PAH: variants seen among roughly 807,000 people sequenced by gnomAD.
The protein encoded by PAH is phenylalanine hydroxylase, also known as phenylalanine-4-hydroxylase.
PAH carries 64 observed loss-of-function variants against 62.0 expected under a neutral mutation model. That is an observed-to-expected ratio of 1.03 (90% confidence interval 0.84 to 1.27). The LOEUF (loss-of-function observed/expected upper bound fraction) is 1.27. PAH is among the 50% of genes most tolerant of loss of function. The probability of loss-of-function intolerance (pLI) is 0.00; values close to 1 mark genes in which losing one functional copy is unlikely to be tolerated. For synonymous variants in PAH, 195 were observed against 196.2 expected, an observed-to-expected ratio of 0.99 and a Z score of 0.05; for missense variants, 579 against 542.8, an observed-to-expected ratio of 1.07 and a Z score of -0.66.
intron 1 of PAH, among the ~76,000 whole-genome samples, chr12:102,949,202 A>ATC (rs1229243604): frequency 6.6e-6 from 1 of 152,162 alleles, no homozygotes; most frequent in Non-Finnish European, 1.5e-5. Context: ...CCAATGGCCG[A>ATC]TCTCTTGCCC....
chr12:102,875,148 G>A (rs1043822082), intron 4 of PAH, among the ~76,000 whole-genome samples: 1 of 152,176 alleles, frequency 6.6e-6, no homozygotes, highest in African/African-American at 2.4e-5. Context: ...AGAGCCTGGC[G>A]CCTCGTCTTC....
intron 1 of PAH, among the ~76,000 whole-genome samples, chr12:102,933,822 C>T (rs1034564298): frequency 6.6e-6 from 1 of 151,226 alleles, no homozygotes; most frequent in African/African-American, 2.5e-5. Context: ...AATTGTTTGA[C>T]CTCTTTGTAA....
chr12:102,877,400 G>A, intron 4 of PAH, 62 bp downstream of exon 4: 13 of 1,109,684 alleles, frequency 1.2e-5, no homozygotes, highest in Non-Finnish European at 1.4e-5. Flanking sequence ...GAAGGTAAGA[G>A]GAAGGGAGGG....
intron 5 of PAH, among the ~76,000 whole-genome samples, chr12:102,858,425 A>G (rs911559817): frequency 7.9e-5 from 12 of 152,212 alleles, no homozygotes; most frequent in African/African-American, 2.7e-4. Flanking sequence ...AACAAGAAAG[A>G]AAGTTAACAA....
chr12:102,869,483 G>T (rs1031272537), intron 4 of PAH, among the ~76,000 whole-genome samples: 2 of 152,048 alleles, frequency 1.3e-5, no homozygotes, highest in Non-Finnish European at 2.9e-5. Context: ...ATGTGAGAAC[G>T]GGTTTCTTTT....
intron 1 of PAH, chr12:102,958,087 G>A (rs895827047): frequency 1.0e-5 from 5 of 500,988 alleles, no homozygotes; most frequent in Non-Finnish European, 1.3e-5. Context: ...CGGGGATTTT[G>A]TATATATTTT....
chr12:102,862,902 G>A (rs947853570), intron 5 of PAH, among the ~76,000 whole-genome samples: 1 of 151,872 alleles, frequency 6.6e-6, no homozygotes, highest in African/African-American at 2.4e-5. Context: ...ATTATTGAAA[G>A]CCAGGCAAGT....
chr12:102,858,096 A>G (rs987833649), intron 5 of PAH, among the ~76,000 whole-genome samples: 2 of 152,224 alleles, frequency 1.3e-5, no homozygotes, highest in African/African-American at 4.8e-5. Context: ...ACGTGCAGAG[A>G]CACACATAGG....
Position 102,855,846 on chromosome 12 carries a change from G to A in PAH, c.510-514C>T, listed in dbSNP as rs73173926. 3.7e-3 allele frequency among the ~76,000 whole-genome samples: 557 copies of A among 152,220 alleles called. 4 individuals are homozygous for A. The highest frequency in any genetic ancestry group is 5.8e-3 in the Non-Finnish European group (395 of 68,020). The stretch of plus-strand genomic sequence containing the variant: ...AAACTGGATTTAATATGTAGGCCAC[G>A]AATCTGAGATCCCCTTTGTTTGGTA... On this transcript the variant is annotated intron_variant, in intron 5 of 12. Coordinates refer to ENST00000553106, the MANE Select transcript of PAH (RefSeq NM_000277.3).
chr12:102,877,555 AAC>A lies in PAH; in HGVS notation c.353-7_353-6del. On this transcript the variant is annotated splice_region_variant and splice_polypyrimidine_tract_variant and intron_variant, in intron 3 of 12. Transcript: ENST00000553106. Reference sequence around the variant, plus strand: ...TGGTTCTTGGGAACCAGGGCACTGAAACACAGAGAAGGCAACGTCCTGAGTAC... The same window carrying A: ...TGGTTCTTGGGAACCAGGGCACTGAAACAGAGAAGGCAACGTCCTGAGTAC... 6.2e-7 allele frequency: 1 copy of A among 1,611,908 alleles called. No individual in the cohort carries two copies. Among genetic ancestry groups the A allele is most frequent in the Non-Finnish European group, 8.5e-7 (1 of 1,177,992 alleles).
chr12:102,932,766 T>C (rs73393577), intron 1 of PAH, among the ~76,000 whole-genome samples: 4,808 of 152,264 alleles, frequency 0.032, 265 homozygotes, highest in African/African-American at 0.11. Context: ...TGGGTTCTTA[T>C]AAGAATAATG....
chr12:102,846,038 C>A (rs1336612396), intron 9 of PAH, among the ~76,000 whole-genome samples: 1 of 152,096 alleles, frequency 6.6e-6, no homozygotes, highest in South Asian at 2.1e-4. Flanking sequence ...CATTTAAAAA[C>A]CCATGTTCAC....
At chr12:102,942,555 G>A (rs975449658) in intron 1 of PAH, among the ~76,000 whole-genome samples, 6 of 151,850 alleles carry the variant, frequency 4.0e-5, no homozygotes, top group Non-Finnish European at 8.8e-5. Flanking sequence ...CACAGAATAA[G>A]AAGATACCAT....
rs879133046 is a variant in PAH, at chr12:102,852,687, C to A, written c.842+128G>T. On this transcript the variant is annotated intron_variant, in intron 7 of 12. Transcript: ENST00000553106. ...CAGAATAGATGAATTGTTTTTAGTA[C>A]TACCAGCAAACAGTCTAGACAACTA... 3.1e-5 allele frequency: 35 copies of A among 1,143,320 alleles called. 1 individual carries two copies. In the South Asian group the frequency reaches 4.4e-4, roughly 14 times the overall value. The allele number at this position is 1,143,320 out of a possible 1,614,324, so 70.8% of individuals were successfully genotyped here.
chr12:102,917,142 G>A lies in PAH; in HGVS notation c.-12C>T, dbSNP rs1403180005. The A allele has an allele frequency of 2.1e-5, 34 of 1,613,960 alleles. No individual in the cohort carries two copies. The highest frequency in any genetic ancestry group is 2.6e-5 in the Non-Finnish European group (31 of 1,179,866). ...ACCGCAGTGGACATGCTGGCTCCCC[G>A]GGAGTGAGGTCTCTGGCTTTTTAGG... is the stretch of plus-strand genomic sequence containing the variant. On this transcript the variant is annotated 5_prime_UTR_variant, in exon 1 of 13. Coordinates refer to ENST00000553106, the MANE Select transcript of PAH (RefSeq NM_000277.3).
At chr12:102,877,660 G>A in intron 3 of PAH, 110 bp from the exon 4 acceptor site, 1 of 814,438 alleles carries the variant, frequency 1.2e-6, no homozygotes, top group African/African-American at 1.7e-5. Flanking sequence ...CAAGTGGGCT[G>A]GCTTCCAGAT....
At chr12:102,913,919 A>G in intron 1 of PAH, 1 of 688,434 alleles carries the variant, frequency 1.5e-6, no homozygotes, top group Non-Finnish European at 2.6e-6. Context: ...CACAATAAGC[A>G]GCAGGTACCT....
At position 102,852,948 on chromosome 12, in the gene PAH, A is replaced by G. The variant is rs372723640; in HGVS notation, c.709T>C (p.Cys237Arg). 38 of 1,613,958 alleles carry G rather than the reference A, an allele frequency of 2.4e-5. No individual in the cohort carries two copies. The highest frequency in any genetic ancestry group is 3.3e-5 in the Admixed American group (2 of 60,004). Residue 237 changes from cysteine to arginine, a missense_variant and splice_region_variant, in exon 7 of 13, where the codon TGC becomes CGC. By Grantham distance (180) the Cys-to-Arg change is radical. Transcript: ENST00000553106. ...LEDVSQFLQT[C>R]TGFRLRPVAG... Reference sequence around the variant, plus strand: ...ACAGGTCGGAGGCGGAAACCAGTGCAAGCTGGGATGAAAAGAAGAAAGAAA... The same window carrying G: ...ACAGGTCGGAGGCGGAAACCAGTGCGAGCTGGGATGAAAAGAAGAAAGAAA...
intron 4 of PAH, among the ~76,000 whole-genome samples, chr12:102,868,143 TATATATATATAC>T (rs1876129040): frequency 2.4e-4 from 1 of 4,202 alleles, no homozygotes; most frequent in African/African-American, 2.0e-3. Flanking sequence ...TATATATATA[TATATATATATAC>T]ACATATATAT....
Sources: allele counts gnomAD v4.1 joint callset (sites outside exome capture counted in the v4.1 genomes callset), GRCh38; gene constraint gnomAD v4.1.1; transcripts MANE v1.5; gene names NCBI Gene and HGNC (gene_info 2026-07-23, HGNC 2026-07-21).